Variants in OPRK1 observed in about 807,000 individuals in gnomAD.
OPRK1 encodes the protein kappa-type opioid receptor.
In OPRK1, 15 loss-of-function variants were observed where a neutral mutation model predicts 24.5. That is an observed-to-expected ratio of 0.61 (90% CI 0.41 to 0.94). The LOEUF is 0.94. Among genes scored for constraint, OPRK1 ranks in the 40% least tolerant of loss-of-function variants. The pLI, the probability that OPRK1 is intolerant of heterozygous loss-of-function variation, is 0.00. For missense variants in OPRK1, 479 were observed against 507.3 expected (o/e 0.94, Z 0.54); for synonymous variants, 205 against 198.0 (o/e 1.04, Z -0.30).
intron 3 of OPRK1, among the ~76,000 whole-genome samples, chr8:53,231,756 A>G (rs1447624417): frequency 6.6e-6 from 1 of 152,234 alleles, no homozygotes; most frequent in East Asian, 1.9e-4. Context: ...ACAAATACAT[A>G]CCACATGAAT....
chr8:53,244,970 T>A (rs1158405130), intron 2 of OPRK1, among the ~76,000 whole-genome samples: 1 of 152,228 alleles, frequency 6.6e-6, no homozygotes, highest in Non-Finnish European at 1.5e-5. Context: ...AGTTTTTGCA[T>A]ATAACTTATG....
At position 53,251,622 on chromosome 8, in the gene OPRK1, C is replaced by T. The variant is rs1351141126; in HGVS notation, c.-223G>A. The T allele has an allele frequency of 6.6e-6, 1 of 151,938 alleles. No homozygotes were observed. The highest frequency in any genetic ancestry group is 6.6e-5 in the Admixed American group (1 of 15,248). 9.4% of individuals were successfully genotyped at this position (151,938 alleles called of 1,614,324 possible). A position where few individuals can be genotyped will look rare whatever the true frequency, so the allele number is the denominator to read the frequency against. On this transcript the variant is annotated 5_prime_UTR_variant, in exon 1 of 4. Transcript: ENST00000265572. ...CGAGCGCAGCCCCCGCCTCTCAGCG[C>T]ACGTCTCCCACTACTGGCGGCGGCT...
chr8:53,251,104 C>G lies in OPRK1; in HGVS notation c.-48-19G>C. ...TGCGGCGCTGCGGGAGCGAAAGAACCGGCTGGACGCGGAGAGGCAAACTTT... is the reference window on the plus strand; with the variant it reads ...TGCGGCGCTGCGGGAGCGAAAGAACGGGCTGGACGCGGAGAGGCAAACTTT... On this transcript the variant is annotated intron_variant, in intron 1 of 3. Coordinates refer to ENST00000265572, the MANE Select transcript of OPRK1 (RefSeq NM_000912.5). 1 of 1,418,428 alleles carries G rather than the reference C, an allele frequency of 7.1e-7. No homozygotes were observed. 87.9% of individuals were successfully genotyped at this position (1,418,428 alleles called of 1,614,324 possible).
Position 53,229,639 on chromosome 8 carries a change from G to A in OPRK1, c.801C>T (p.Arg267=), listed in dbSNP as rs1468745057. 1 of 1,614,152 alleles carries A rather than the reference G, an allele frequency of 6.2e-7. No individual in the cohort carries two copies. Among genetic ancestry groups the A allele is most frequent in the South Asian group, 1.1e-5 (1 of 91,080 alleles). Residue 267 remains arginine, a synonymous_variant, in exon 4 of 4, where the codon CGC becomes CGT. Transcript: ENST00000265572. ...CCAGTCTGGTGATCCTACGCAGGTTGCGATCTTTCTCTCGGGAGCCAGAAA... is the reference window on the plus strand; with the variant it reads ...CCAGTCTGGTGATCCTACGCAGGTTACGATCTTTCTCTCGGGAGCCAGAAA... ...RLLSGSREKD[R]NLRRITRLVL...
rs762364309 is a variant in OPRK1 at position 53,251,012 on chromosome 8, C to T, written c.26G>A (p.Arg9His). 40 of 1,569,892 alleles carry T rather than the reference C, an allele frequency of 2.5e-5. No homozygotes were observed. Among genetic ancestry groups the T allele is most frequent in the South Asian group, 6.0e-5 (5 of 83,794 alleles). ...GGCGCAGGTAGGGCCCGGCTCCCCG[C>T]GGAAGATCTGGATCGGGGAGTCCAT... The part of the protein sequence containing the change: MDSPIQIF[R>H]GEPGPTCAPS... The change falls in exon 2 of 4, where the codon CGC becomes CAC. Residue 9 changes from arginine to histidine, a missense_variant. Transcript: ENST00000265572.
intron 2 of OPRK1, among the ~76,000 whole-genome samples, chr8:53,239,857 A>G (rs1807075893): frequency 6.6e-6 from 1 of 152,196 alleles, no homozygotes; most frequent in Admixed American, 6.5e-5. Flanking sequence ...AAAGTTTGAG[A>G]AAACGTCTTA....
chr8:53,239,139 G>T (rs1329296004), intron 2 of OPRK1, among the ~76,000 whole-genome samples: 1 of 152,060 alleles, frequency 6.6e-6, no homozygotes, highest in Non-Finnish European at 1.5e-5. Flanking sequence ...CTATGGTGAC[G>T]CATGCACCCT....
chr8:53,235,102 C>A lies in OPRK1; in HGVS notation c.267G>T (p.Lys89Asn). Reference protein sequence around the residue: ...LVMFVIIRYTKMKTATNIYIF... With the variant: ...LVMFVIIRYTNMKTATNIYIF... The stretch of plus-strand genomic sequence containing the variant: ...TGTAAATGTTGGTTGCTGTCTTCAT[C>A]TTTGTGTATCTAAAAGAAAAGAAAC... The change falls in exon 3 of 4, where the codon AAG becomes AAT. Residue 89 changes from lysine (K) to asparagine (N), a missense_variant. Coordinates refer to ENST00000265572, the MANE Select transcript of OPRK1 (RefSeq NM_000912.5). 1 of 1,612,190 alleles carries A rather than the reference C, an allele frequency of 6.2e-7. No homozygotes were observed. Among genetic ancestry groups the A allele is most frequent in the Non-Finnish European group, 8.5e-7 (1 of 1,178,688 alleles).
intron 2 of OPRK1, among the ~76,000 whole-genome samples, chr8:53,240,976 T>G (rs1807100130): frequency 6.6e-6 from 1 of 152,162 alleles, no homozygotes. Context: ...TATTTGTCAA[T>G]TATGCCTCAC....
intron 3 of OPRK1, among the ~76,000 whole-genome samples, chr8:53,234,217 T>A (rs572686074): frequency 9.4e-5 from 11 of 116,972 alleles, no homozygotes; most frequent in Admixed American, 4.4e-4. Context: ...GTTGGCTGGT[T>A]TGCATGGGGT....
chr8:53,234,616 A>G, intron 3 of OPRK1, 143 bp downstream of exon 3: 1 of 678,100 alleles, frequency 1.5e-6, no homozygotes, highest in Non-Finnish European at 2.5e-6. Flanking sequence ...TCTACTTCTC[A>G]TCTTCCATGG....
At chr8:53,243,001 T>G in intron 2 of OPRK1, 1 of 1,228,410 alleles carries the variant, frequency 8.1e-7, no homozygotes, top group Admixed American at 2.5e-5. Flanking sequence ...AAGCCTTCCT[T>G]ATCCAAGACA....
At position 53,229,293 on chromosome 8, in the gene OPRK1, C is replaced by G. The variant is rs760686967; in HGVS notation, c.*4G>C. 2 of 1,609,852 alleles carry G rather than the reference C, an allele frequency of 1.2e-6. No individual in the cohort carries two copies. The highest frequency in any genetic ancestry group is 1.7e-6 in the Non-Finnish European group (2 of 1,177,250). ...GAACTGTACGAAGACATCTCCACGA[C>G]TAGTCATACTGGTTTATTCATCCCA... On this transcript the variant is annotated 3_prime_UTR_variant, in exon 4 of 4. Transcript: ENST00000265572.
chr8:53,239,443 G>A (rs546446258), intron 2 of OPRK1, among the ~76,000 whole-genome samples: 2 of 152,310 alleles, frequency 1.3e-5, no homozygotes, highest in East Asian at 1.9e-4. Context: ...TCTGGCTAGT[G>A]TCTTATTCAG....
chr8:53,226,551 A>G lies in OPRK1; in HGVS notation c.*2746T>C, dbSNP rs1806691506. On this transcript the variant is annotated 3_prime_UTR_variant, in exon 4 of 4. Transcript: ENST00000265572. Reference sequence around the variant, plus strand: ...TCCTTGTTGAGGTCAGAGAATAGGAACATCAAGAAATGAGAGATATCAGAG... The same window carrying G: ...TCCTTGTTGAGGTCAGAGAATAGGAGCATCAAGAAATGAGAGATATCAGAG... 6.6e-6 allele frequency: 1 copy of G among 152,388 alleles called. No homozygotes were observed. The highest frequency in any genetic ancestry group is 1.9e-4 in the East Asian group (1 of 5,182). The allele number at this position is 152,388 out of a possible 1,614,324, so 9.4% of individuals were successfully genotyped here. A position where few individuals can be genotyped will look rare whatever the true frequency, so the allele number is the denominator to read the frequency against.
At position 53,235,100 on chromosome 8, in the gene OPRK1, A is replaced by G; in HGVS notation, c.269T>C (p.Met90Thr). 6.2e-7 allele frequency: 1 copy of G among 1,612,288 alleles called. No individual in the cohort carries two copies. The highest frequency in any genetic ancestry group is 8.5e-7 in the Non-Finnish European group (1 of 1,178,710). The change falls in exon 3 of 4, where the codon ATG becomes ACG. Residue 90 changes from methionine (M) to threonine (T), a missense_variant. Physicochemically the swap from Met to Thr is moderately conservative, Grantham distance 81. Transcript: ENST00000265572. ...TATGTAAATGTTGGTTGCTGTCTTC[A>G]TCTTTGTGTATCTAAAAGAAAAGAA... is the stretch of plus-strand genomic sequence containing the variant. ...VMFVIIRYTK[M>T]KTATNIYIFN...
chr8:53,229,161 T>G lies in OPRK1; in HGVS notation c.*136A>C. 3 of 1,099,364 alleles carry G rather than the reference T, an allele frequency of 2.7e-6. No homozygotes were observed. The highest frequency in any genetic ancestry group is 3.8e-6 in the Non-Finnish European group (3 of 788,624). 68.1% of individuals were successfully genotyped at this position (1,099,364 alleles called of 1,614,324 possible). On this transcript the variant is annotated 3_prime_UTR_variant, in exon 4 of 4. Coordinates refer to ENST00000265572, the MANE Select transcript of OPRK1 (RefSeq NM_000912.5). ...CGAACGTGGTCTGCATCTGATGACT[T>G]CAGACCATGAGATCTCTAAAAGTTT... is the stretch of plus-strand genomic sequence containing the variant.
chr8:53,243,033 GA>G (rs1807152525), intron 2 of OPRK1: 1 of 1,138,796 alleles, frequency 8.8e-7, no homozygotes, highest in Admixed American at 3.4e-5. Flanking sequence ...CCCCTCCAAA[GA>G]AAGGGAAAAA....
At chr8:53,237,235 T>A (rs369482880) in intron 2 of OPRK1, among the ~76,000 whole-genome samples, 6 of 152,112 alleles carry the variant, frequency 3.9e-5, no homozygotes, top group African/African-American at 1.4e-4. Flanking sequence ...AGCTTAAATA[T>A]AAAAGGTGAG....
Sources: gnomAD v4.1 joint callset for allele counts (sites outside exome capture counted in the v4.1 genomes callset) on GRCh38, gnomAD v4.1.1 for gene constraint, MANE v1.5 for transcripts, NCBI Gene and HGNC (gene_info 2026-07-23, HGNC 2026-07-21) for gene names.